ZBTB41: variants seen among roughly 807,000 people sequenced by gnomAD.
ZBTB41 encodes zinc finger and BTB domain-containing protein 41.
A neutral mutation model predicts 87.6 loss-of-function variants in ZBTB41; 42 were observed. That is an observed-to-expected ratio of 0.48 (90% CI 0.37 to 0.62). ZBTB41 has a LOEUF of 0.62. Among genes scored for constraint, ZBTB41 ranks in the 20% least tolerant of loss-of-function variants. The probability of loss-of-function intolerance (pLI) is 0.00; values close to 1 mark genes in which losing one functional copy is unlikely to be tolerated. For synonymous variants in ZBTB41, 364 were observed against 364.0 expected, an observed-to-expected ratio of 1.00 and a Z score of 0.00; for missense variants, 799 against 1,078.9, an observed-to-expected ratio of 0.74 and a Z score of 3.63.
At chr1:197,160,819 G>A (rs1659184257) in intron 10 of ZBTB41, among the ~76,000 whole-genome samples, 1 of 152,090 alleles carries the variant, frequency 6.6e-6, no homozygotes, top group Admixed American at 6.6e-5. Context: ...AGACCAACAG[G>A]CGTACACAGG....
Position 197,159,067 on chromosome 1 carries a change from C to A in ZBTB41, c.*292G>T. On this transcript the variant is annotated 3_prime_UTR_variant, in exon 11 of 11. Coordinates refer to ENST00000367405, the MANE Select transcript of ZBTB41 (RefSeq NM_194314.3). ...TTTCCACTGATGATTAAAAAAAATA[C>A]TTCCATAATATCAGCAGCTAATAAT... 2 of 284,294 alleles carry A rather than the reference C, an allele frequency of 7.0e-6. No homozygotes were observed. Among genetic ancestry groups the A allele is most frequent in the Non-Finnish European group, 1.3e-5 (2 of 152,220 alleles). 17.6% of individuals were successfully genotyped at this position (284,294 alleles called of 1,614,324 possible). A position where few individuals can be genotyped will look rare whatever the true frequency, so the allele number is the denominator to read the frequency against.
chr1:197,196,167 T>TA (rs892434346), intron 2 of ZBTB41, among the ~76,000 whole-genome samples: 3 of 152,198 alleles, frequency 2.0e-5, no homozygotes, highest in Admixed American at 6.5e-5. Flanking sequence ...CTAAGACAGA[T>TA]AAATACCCCA....
chr1:197,184,957 G>A (rs1438841199), intron 5 of ZBTB41, among the ~76,000 whole-genome samples: 1 of 152,046 alleles, frequency 6.6e-6, no homozygotes, highest in East Asian at 1.9e-4. Flanking sequence ...TGGGATTACA[G>A]GCGTCCGCCA....
chr1:197,176,472 A>C, intron 8 of ZBTB41, 92 bp downstream of exon 8: 9 of 906,536 alleles, frequency 9.9e-6, no homozygotes, highest in Non-Finnish European at 1.5e-5. Flanking sequence ...CAAATTATTA[A>C]ACTTATAGCC....
Position 197,154,096 on chromosome 1 carries a change from C to T in ZBTB41, c.*5263G>A, listed in dbSNP as rs956316532. The T allele has an allele frequency of 2.0e-5, 3 of 152,386 alleles. No individual in the cohort carries two copies. Among genetic ancestry groups the T allele is most frequent in the African/African-American group, 7.2e-5 (3 of 41,380 alleles). 9.4% of individuals were successfully genotyped at this position (152,386 alleles called of 1,614,324 possible). A position where few individuals can be genotyped will look rare whatever the true frequency, so the allele number is the denominator to read the frequency against. ...CTCATCAATTGTAATACAGTTTTATCAATAGGGATAAGAAGAGTTCAATCG... is the reference window on the plus strand; with the variant it reads ...CTCATCAATTGTAATACAGTTTTATTAATAGGGATAAGAAGAGTTCAATCG... On this transcript the variant is annotated 3_prime_UTR_variant, in exon 11 of 11. Coordinates refer to ENST00000367405, the MANE Select transcript of ZBTB41 (RefSeq NM_194314.3).
chr1:197,199,258 A>T (rs1449730599), intron 2 of ZBTB41, 96 bp downstream of exon 2: 1 of 1,241,180 alleles, frequency 8.1e-7, no homozygotes, highest in African/African-American at 1.6e-5. Context: ...CAGTCTTTTT[A>T]GAAGTTACTT....
chr1:197,175,557 A>T (rs1460582130), intron 8 of ZBTB41, among the ~76,000 whole-genome samples: 1 of 150,572 alleles, frequency 6.6e-6, no homozygotes, highest in East Asian at 1.9e-4. Flanking sequence ...CTTTACTTTT[A>T]GAAGATTTTT....
At chr1:197,160,090 C>A (rs990017817) in intron 10 of ZBTB41, 76 bp from the exon 11 acceptor site, 12 of 1,171,058 alleles carry the variant, frequency 1.0e-5, no homozygotes, top group African/African-American at 1.5e-5. Flanking sequence ...AAGTAGCAAA[C>A]TTCCAATGTG....
At position 197,158,250 on chromosome 1, in the gene ZBTB41, T is replaced by C. The variant is rs138576470; in HGVS notation, c.*1109A>G. The stretch of plus-strand genomic sequence containing the variant: ...AAAAATTAAAGGTTAATTACAGACA[T>C]TAGGCTTTTGTGAAGGCAAAATTAA... On this transcript the variant is annotated 3_prime_UTR_variant, in exon 11 of 11. Transcript: ENST00000367405. 1 of 152,472 alleles carries C rather than the reference T, an allele frequency of 6.6e-6. No homozygotes were observed. Among genetic ancestry groups the C allele is most frequent in the Non-Finnish European group, 1.5e-5 (1 of 67,872 alleles). The allele number at this position is 152,472 out of a possible 1,614,324, so 9.4% of individuals were successfully genotyped here. A position where few individuals can be genotyped will look rare whatever the true frequency, so the allele number is the denominator to read the frequency against.
intron 2 of ZBTB41, among the ~76,000 whole-genome samples, chr1:197,196,736 T>C (rs1660172672): frequency 6.6e-6 from 1 of 152,154 alleles, no homozygotes; most frequent in South Asian, 2.1e-4. Context: ...CCCACCTTCA[T>C]CTCCTGTTAT....
intron 7 of ZBTB41, 78 bp downstream of exon 7, chr1:197,178,339 A>T: frequency 9.7e-7 from 1 of 1,031,218 alleles, no homozygotes; most frequent in Non-Finnish European, 1.4e-6. Context: ...TCAATTCAAC[A>T]AAGTAATAAG....
chr1:197,191,699 C>G lies in ZBTB41; in HGVS notation c.1321G>C (p.Val441Leu). The G allele has an allele frequency of 6.2e-7, 1 of 1,611,130 alleles. No homozygotes were observed. The highest frequency in any genetic ancestry group is 8.5e-7 in the Non-Finnish European group (1 of 1,178,658). Residue 441 changes from valine to leucine, a missense_variant, in exon 3 of 11, where the codon GTT (valine) becomes CTT (leucine). Val to Leu is a conservative substitution (Grantham distance 32). Coordinates refer to ENST00000367405, the MANE Select transcript of ZBTB41 (RefSeq NM_194314.3). ...HASKKTLAKH[V>L]KRFHPENAQE... is the part of the protein sequence containing the mutation. ...AAGCAAGATAATACTTGCCTCTTAA[C>G]ATGCTTGGCTAAAGTCTTCTTGCTT... is the stretch of plus-strand genomic sequence containing the variant.
chr1:197,194,478 C>A (rs1206430983), intron 2 of ZBTB41, among the ~76,000 whole-genome samples: 1 of 151,948 alleles, frequency 6.6e-6, no homozygotes, highest in East Asian at 1.9e-4. Context: ...AGAATTTCTT[C>A]TATGCATGCA....
chr1:197,193,743 G>A (rs543651123), intron 2 of ZBTB41, among the ~76,000 whole-genome samples: 1 of 152,198 alleles, frequency 6.6e-6, no homozygotes, highest in Non-Finnish European at 1.5e-5. Flanking sequence ...ACCAAATACT[G>A]GGAAAAGACA....
At chr1:197,182,371 A>G (rs1659766996) in intron 5 of ZBTB41, among the ~76,000 whole-genome samples, 1 of 151,918 alleles carries the variant, frequency 6.6e-6, no homozygotes, top group South Asian at 2.1e-4. Flanking sequence ...CCAGTTTTGC[A>G]TGCAGCTAAA....
chr1:197,180,977 T>C lies in ZBTB41; in HGVS notation c.1676+11A>G. On this transcript the variant is annotated intron_variant, in intron 6 of 10. Coordinates refer to ENST00000367405, the MANE Select transcript of ZBTB41 (RefSeq NM_194314.3). Reference sequence around the variant, plus strand: ...ACTAGGATTTTTGTGGGTGTGCAGATAATTCTTCACCTTTCTCGTACTGAT... The same window carrying C: ...ACTAGGATTTTTGTGGGTGTGCAGACAATTCTTCACCTTTCTCGTACTGAT... The C allele has an allele frequency of 6.3e-7, 1 of 1,585,164 alleles. No individual in the cohort carries two copies. The highest frequency in any genetic ancestry group is 8.5e-7 in the Non-Finnish European group (1 of 1,172,966).
intron 10 of ZBTB41, among the ~76,000 whole-genome samples, chr1:197,165,713 A>C (rs1659326981): frequency 6.6e-6 from 1 of 152,306 alleles, no homozygotes; most frequent in Admixed American, 6.5e-5. Context: ...ATAAACAATA[A>C]GAAATACTAC....
intron 5 of ZBTB41, among the ~76,000 whole-genome samples, chr1:197,183,403 CA>C (rs987586752): frequency 2.6e-5 from 4 of 152,116 alleles, no homozygotes; most frequent in Admixed American, 1.3e-4. Flanking sequence ...GTGGCTAAGT[CA>C]GACTCAGAAA....
At chr1:197,169,795 C>T (rs1316569659) in intron 10 of ZBTB41, among the ~76,000 whole-genome samples, 1 of 151,822 alleles carries the variant, frequency 6.6e-6, no homozygotes, top group Non-Finnish European at 1.5e-5. Flanking sequence ...ATCTTTATGC[C>T]AATTTAATGA....
Sources: allele counts gnomAD v4.1 joint callset (sites outside exome capture counted in the v4.1 genomes callset), GRCh38; gene constraint gnomAD v4.1.1; transcripts MANE v1.5; gene names NCBI Gene and HGNC (gene_info 2026-07-23, HGNC 2026-07-21).